SH3KBP1: variants seen among roughly 807,000 people sequenced by gnomAD.
SH3KBP1 encodes the protein SH3 domain containing kinase binding protein 1, also known as SH3 domain-containing kinase-binding protein 1.
SH3KBP1 carries 8 observed loss-of-function variants against 50.1 expected under a neutral mutation model. The ratio of observed to expected loss-of-function variants is 0.16; its 90% CI spans 0.09 to 0.29. The LOEUF is 0.29. Among genes scored for constraint, SH3KBP1 ranks in the 10% least tolerant of loss-of-function variants. The pLI, the probability that SH3KBP1 is intolerant of heterozygous loss-of-function variation, is 1.00. For missense variants in SH3KBP1, 377 were observed against 535.2 expected, an observed-to-expected ratio of 0.70 and a Z score of 2.92; for synonymous variants, 227 against 218.6, an observed-to-expected ratio of 1.04 and a Z score of -0.34.
intron 3 of SH3KBP1, among the ~76,000 whole-genome samples, chrX:19,714,863 G>A (rs770256272): frequency 5.4e-5 from 6 of 112,105 alleles, no homozygotes; most frequent in Non-Finnish European, 1.1e-4. Context: ...TACATTTCCG[G>A]AGTTGTTAAT....
At chrX:19,781,373 T>C (rs2066173319) in intron 2 of SH3KBP1, among the ~76,000 whole-genome samples, 1 of 111,021 alleles carries the variant, frequency 9.0e-6, no homozygotes, top group Admixed American at 9.7e-5. Flanking sequence ...ATCTCAGCAC[T>C]TTGGGAGGCC....
intron 1 of SH3KBP1, among the ~76,000 whole-genome samples, chrX:19,845,338 C>T (rs1294390317): frequency 1.9e-5 from 2 of 107,506 alleles, no homozygotes; most frequent in East Asian, 6.1e-4. Context: ...AATAGCCGGG[C>T]GTGGTGGTGG....
intron 1 of SH3KBP1, among the ~76,000 whole-genome samples, chrX:19,855,978 T>C (rs2068632449): frequency 9.0e-6 from 1 of 111,359 alleles, no homozygotes; most frequent in Non-Finnish European, 1.9e-5. Flanking sequence ...GACTAACACA[T>C]TCCACAAGCT....
chrX:19,661,627 GTT>G (rs1469425458), intron 6 of SH3KBP1, among the ~76,000 whole-genome samples: 3 of 75,022 alleles, frequency 4.0e-5, no homozygotes, highest in South Asian at 6.3e-4. Flanking sequence ...AATAAAGGTT[GTT>G]TTTTTTTTTT....
chrX:19,762,145 C>T (rs754874492), intron 2 of SH3KBP1, among the ~76,000 whole-genome samples: 1 of 112,868 alleles, frequency 8.9e-6, no homozygotes, highest in East Asian at 2.8e-4. Context: ...TTTAAGCTGT[C>T]CCTGTTCGTT....
rs759914425 is a variant in SH3KBP1 at position 19,570,547 on chromosome X, G to A, written c.1299-1359C>T. Among the ~76,000 whole-genome samples, 6 of 111,586 alleles carry A rather than the reference G, an allele frequency of 5.4e-5. No homozygotes were observed. In the East Asian group the frequency reaches 8.5e-4, roughly 16 times the overall value. On this transcript the variant is annotated intron_variant, in intron 12 of 17. Coordinates refer to ENST00000397821, the MANE Select transcript of SH3KBP1 (RefSeq NM_031892.3). ...TTTGTCTGGGAGGCAATGAGGGGCC[G>A]AGGGACGGTTGTAGCAGGAGACCTG...
At position 19,595,031 on chromosome X, in the gene SH3KBP1, A is replaced by G. The variant is rs749964055; in HGVS notation, c.1006-31T>C. 4 of 1,056,823 alleles carry G rather than the reference A, an allele frequency of 3.8e-6. No homozygotes were observed. In the South Asian group the frequency reaches 5.6e-5, roughly 15 times the overall value. The allele number at this position is 1,056,823 out of a possible 1,213,427, so 87.1% of individuals were successfully genotyped here. A position where few individuals can be genotyped will look rare whatever the true frequency, so the allele number is the denominator to read the frequency against. Reference sequence around the variant, plus strand: ...AAATTAATAAAAATTATACCACATGAGATTGTTGGCAAGCCTGTCCTCTCA... The same window carrying G: ...AAATTAATAAAAATTATACCACATGGGATTGTTGGCAAGCCTGTCCTCTCA... On this transcript the variant is annotated intron_variant, in intron 9 of 17. Coordinates refer to ENST00000397821, the MANE Select transcript of SH3KBP1 (RefSeq NM_031892.3).
chrX:19,778,510 T>C lies in SH3KBP1; in HGVS notation c.163-32069A>G, dbSNP rs751144977. Among the ~76,000 whole-genome samples, 9 of 110,180 alleles carry C rather than the reference T, an allele frequency of 8.2e-5. No individual in the cohort carries two copies. The South Asian group carries it at 3.6e-3, about 43-fold the overall frequency. On this transcript the variant is annotated intron_variant, in intron 2 of 17. Coordinates refer to ENST00000397821, the MANE Select transcript of SH3KBP1 (RefSeq NM_031892.3). Reference sequence around the variant, plus strand: ...CCTTGGAACTCACTCAATTCCTCCTTGACCTAAGGAGCCTGGCAATCGGGC... The same window carrying C: ...CCTTGGAACTCACTCAATTCCTCCTCGACCTAAGGAGCCTGGCAATCGGGC...
At chrX:19,823,945 T>C (rs2067599776) in intron 2 of SH3KBP1, among the ~76,000 whole-genome samples, 1 of 111,653 alleles carries the variant, frequency 9.0e-6, no homozygotes, top group Admixed American at 9.5e-5. Flanking sequence ...CCTCAGCCTC[T>C]GAGTAGCTGG....
At chrX:19,659,411 G>A (rs918055882) in intron 6 of SH3KBP1, among the ~76,000 whole-genome samples, 2 of 106,352 alleles carry the variant, frequency 1.9e-5, no homozygotes, top group Admixed American at 2.0e-4. Flanking sequence ...CACTGTGCCC[G>A]GCCACATGCC....
Position 19,762,976 on chromosome X carries a change from T to C in SH3KBP1, c.163-16535A>G, listed in dbSNP as rs182419478. On this transcript the variant is annotated intron_variant, in intron 2 of 17. Coordinates refer to ENST00000397821, the MANE Select transcript of SH3KBP1 (RefSeq NM_031892.3). ...TACGCTCCTGCCTGAGGCAATCTCC[T>C]TTCTAAATTTCTGTATCCTTGGCTG... 1.3e-3 allele frequency among the ~76,000 whole-genome samples: 141 copies of C among 112,293 alleles called. 1 individual carries two copies. Among genetic ancestry groups the C allele is most frequent in the Middle Eastern group, 4.6e-3 (1 of 219 alleles).
chrX:19,782,785 C>G (rs1417166666), intron 2 of SH3KBP1, among the ~76,000 whole-genome samples: 1 of 111,451 alleles, frequency 9.0e-6, no homozygotes, highest in Admixed American at 9.5e-5. Flanking sequence ...ACTAGCACCC[C>G]CAAAACAGTT....
chrX:19,696,589 C>T (rs990411433), intron 4 of SH3KBP1, among the ~76,000 whole-genome samples: 2 of 111,063 alleles, frequency 1.8e-5, no homozygotes, highest in African/African-American at 3.3e-5. Context: ...GATTTGGATT[C>T]GAGGCCCTTT....
chrX:19,789,611 T>C (rs781475500), intron 2 of SH3KBP1, among the ~76,000 whole-genome samples: 1 of 108,569 alleles, frequency 9.2e-6, no homozygotes, highest in Admixed American at 9.8e-5. Flanking sequence ...TCTCCTCTTC[T>C]TATGAGGACA....
chrX:19,554,489 C>T (rs1602451978), intron 13 of SH3KBP1, among the ~76,000 whole-genome samples: 1 of 106,062 alleles, frequency 9.4e-6, no homozygotes, highest in East Asian at 2.9e-4. Flanking sequence ...GCAACCTCTG[C>T]CTCCCGGGTT....
intron 2 of SH3KBP1, among the ~76,000 whole-genome samples, chrX:19,790,861 T>G (rs1020253715): frequency 9.9e-5 from 11 of 111,453 alleles, no homozygotes; most frequent in Admixed American, 1.9e-4. Context: ...TCACAACCTC[T>G]TTAGTAATAA....
At chrX:19,607,720 T>C (rs776409211) in intron 9 of SH3KBP1, among the ~76,000 whole-genome samples, 2 of 112,241 alleles carry the variant, frequency 1.8e-5, no homozygotes, top group Non-Finnish European at 1.9e-5. Flanking sequence ...ATCTTGTTTA[T>C]GTATGCAACA....
chrX:19,834,276 G>A (rs868199512), intron 2 of SH3KBP1, among the ~76,000 whole-genome samples: 9 of 111,787 alleles, frequency 8.1e-5, no homozygotes, highest in Admixed American at 4.7e-4. Flanking sequence ...CTCCTTTGGC[G>A]GGGGTCACCT....
At position 19,608,058 on chromosome X, in the gene SH3KBP1, A is replaced by G. The variant is rs1349917395; in HGVS notation, c.898-13T>C. ...CGTCGATGCAGTCCTAGAAAACAGG[A>G]GAACAGAGAGTGAGAGATGGGGGCA... On this transcript the variant is annotated splice_polypyrimidine_tract_variant and intron_variant, in intron 8 of 17. Coordinates refer to ENST00000397821, the MANE Select transcript of SH3KBP1 (RefSeq NM_031892.3). The G allele has an allele frequency of 8.4e-7, 1 of 1,190,821 alleles. No individual in the cohort carries two copies. The highest frequency in any genetic ancestry group is 1.1e-6 in the Non-Finnish European group (1 of 877,918).
Sources: allele counts gnomAD v4.1 joint callset (sites outside exome capture counted in the v4.1 genomes callset), GRCh38; gene constraint gnomAD v4.1.1; transcripts MANE v1.5; gene names NCBI Gene and HGNC (gene_info 2026-07-23, HGNC 2026-07-21).